The following DNAH17 variants were observed in gnomAD, a reference collection of about 807,000 sequenced individuals.
The protein encoded by DNAH17 is axonemal beta dynein heavy chain 17.
In DNAH17, 376 loss-of-function variants were observed where a neutral mutation model predicts 485.6. The observed-to-expected ratio is 0.77, with a 90% CI of 0.71 to 0.84. DNAH17 has a LOEUF of 0.84. DNAH17 is among the 40% of genes least tolerant of loss of function. The pLI, the probability that DNAH17 is intolerant of heterozygous loss-of-function variation, is 0.00. For synonymous variants in DNAH17, 3,031 were observed against 2,405.9 expected (o/e 1.26, Z -7.60); for missense variants, 6,370 against 5,839.3 (o/e 1.09, Z -2.96).
chr17:78,475,472 G>A lies in DNAH17; in HGVS notation c.8320-3C>T, dbSNP rs1423916710. 1.2e-6 allele frequency: 2 copies of A among 1,613,524 alleles called. No homozygotes were observed. The highest frequency in any genetic ancestry group is 2.7e-5 in the African/African-American group (2 of 74,914). On this transcript the variant is annotated splice_region_variant and splice_polypyrimidine_tract_variant and intron_variant, in intron 53 of 80. Transcript: ENST00000389840. ...GCCACGGCGTCCTCAAACAGCACCT[G>A]CAGAAACCGGAGAGATCCCACAACA...
At chr17:78,512,247 C>T (rs558676477) in intron 26 of DNAH17, among the ~76,000 whole-genome samples, 1 of 152,336 alleles carries the variant, frequency 6.6e-6, no homozygotes, top group South Asian at 2.1e-4. Flanking sequence ...TGCCCTTGGT[C>T]CTTGGGGTAT....
rs1474467835 is a variant in DNAH17, at chr17:78,507,551, G to A, written c.4491C>T (p.Ser1497=). ...AGCCGATGAAGATGCTCTCCAGGTG[G>A]CTCCAGGTTCGCTGGACCTCAAACC... The part of the protein sequence containing the change: ...SIWFEVQRTW[S]HLESIFIGSE... Residue 1497 remains serine, a synonymous_variant, in exon 28 of 81, where the codon AGC becomes AGT. Coordinates refer to ENST00000389840, the MANE Select transcript of DNAH17 (RefSeq NM_173628.4). 1.2e-6 allele frequency: 2 copies of A among 1,614,038 alleles called. No homozygotes were observed. Among genetic ancestry groups the A allele is most frequent in the East Asian group, 4.5e-5 (2 of 44,888 alleles).
At chr17:78,554,418 T>C (rs1283448341) in intron 14 of DNAH17, among the ~76,000 whole-genome samples, 7 of 82,680 alleles carry the variant, frequency 8.5e-5, no homozygotes, top group Middle Eastern at 0.015. Context: ...GCCTGGACAA[T>C]AGAATGAGAC....
At position 78,465,192 on chromosome 17, in the gene DNAH17, G is replaced by A. The variant is rs570663991; in HGVS notation, c.8940+1463C>T. ...AGTGATCCGCCAGCCTCGGCCTCCC[G>A]AGGTGCCGGGATTGCAGACGGAGTC... is the stretch of plus-strand genomic sequence containing the variant. On this transcript the variant is annotated intron_variant, in intron 56 of 80. Transcript: ENST00000389840. Among the ~76,000 whole-genome samples, 7 of 152,310 alleles carry A rather than the reference G, an allele frequency of 4.6e-5. No homozygotes were observed. In the East Asian group the frequency reaches 9.7e-4, roughly 21 times the overall value.
Position 78,495,176 on chromosome 17 carries a change from G to A in DNAH17, c.5904-79C>T, listed in dbSNP as rs9897263. The A allele has an allele frequency of 0.12, 169,736 of 1,472,406 alleles. 10,639 individuals are homozygous for A. Among genetic ancestry groups the A allele is most frequent in the East Asian group, 0.29 (11,781 of 40,430 alleles). 91.2% of individuals were successfully genotyped at this position (1,472,406 alleles called of 1,614,324 possible). Reference sequence around the variant, plus strand: ...ACCCCTGCCTGTCCCTCTTCACCTAGGAGAGCACACCTCGACTGCCAGGTA... The same window carrying A: ...ACCCCTGCCTGTCCCTCTTCACCTAAGAGAGCACACCTCGACTGCCAGGTA... On this transcript the variant is annotated intron_variant, in intron 38 of 80. Transcript: ENST00000389840.
chr17:78,505,240 C>A, intron 31 of DNAH17, 53 bp downstream of exon 31: 1 of 1,606,060 alleles, frequency 6.2e-7, no homozygotes, highest in South Asian at 1.1e-5. Context: ...GTGGCCCACA[C>A]GCGTGCTGCA....
At chr17:78,450,923 T>C (rs1427063945) in intron 66 of DNAH17, 77 bp from the exon 67 acceptor site, 7 of 1,548,586 alleles carry the variant, frequency 4.5e-6, no homozygotes, top group African/African-American at 2.7e-5. Flanking sequence ...CAGGTGGCCA[T>C]GTAGCTGAGC....
chr17:78,459,576 G>A (rs997088871), intron 60 of DNAH17, among the ~76,000 whole-genome samples: 3 of 152,206 alleles, frequency 2.0e-5, no homozygotes, highest in Non-Finnish European at 2.9e-5. Flanking sequence ...GTGGGGCCTG[G>A]CTGGCCTCTC....
chr17:78,424,218 AG>A, intron 80 of DNAH17, 65 bp from the exon 81 acceptor site: 1 of 1,544,362 alleles, frequency 6.5e-7, no homozygotes, highest in South Asian at 1.2e-5. Flanking sequence ...GCTGGCAGGA[AG>A]GGTGGGGTCC....
chr17:78,479,181 C>CAA (rs2089239716), intron 50 of DNAH17, 65 bp from the exon 51 acceptor site: 1 of 1,525,162 alleles, frequency 6.6e-7, no homozygotes, highest in Non-Finnish European at 9.0e-7. Flanking sequence ...GTGCAAGCCT[C>CAA]AAGTTTCTAA....
intron 70 of DNAH17, 53 bp from the exon 71 acceptor site, chr17:78,444,850 A>G: frequency 6.6e-7 from 1 of 1,514,132 alleles, no homozygotes; most frequent in South Asian, 1.3e-5. Flanking sequence ...CCGGGTCCCG[A>G]GAGCCTTCCT....
At chr17:78,515,289 A>AC (rs1040622564) in intron 25 of DNAH17, among the ~76,000 whole-genome samples, 2 of 152,114 alleles carry the variant, frequency 1.3e-5, no homozygotes, top group Non-Finnish European at 2.9e-5. Context: ...TGAGCAGATT[A>AC]CCTGAGGTCA....
At chr17:78,450,495 C>A (rs759628255) in intron 67 of DNAH17, 101 bp from the exon 68 acceptor site, 52 of 1,504,818 alleles carry the variant, frequency 3.5e-5, no homozygotes, top group Admixed American at 1.2e-4. Context: ...TGGGAAGCCA[C>A]CCAAGGGCTC....
intron 68 of DNAH17, chr17:78,449,937 T>C (rs897676280): frequency 1.6e-5 from 7 of 444,414 alleles, no homozygotes; most frequent in South Asian, 8.7e-5. Flanking sequence ...CGGCCCCCCA[T>C]AGTGCTGAGA....
chr17:78,528,404 G>A (rs966106946), intron 22 of DNAH17, among the ~76,000 whole-genome samples: 7 of 152,084 alleles, frequency 4.6e-5, no homozygotes, highest in African/African-American at 1.7e-4. Flanking sequence ...ACAGGTGTGC[G>A]CCACCATGCC....
chr17:78,442,980 T>A (rs1430589222), intron 71 of DNAH17, among the ~76,000 whole-genome samples: 4 of 152,150 alleles, frequency 2.6e-5, no homozygotes, highest in African/African-American at 9.7e-5. Context: ...CCCTATACAA[T>A]CAGGGCAGTA....
chr17:78,560,947 G>T lies in DNAH17; in HGVS notation c.1836-12C>A. On this transcript the variant is annotated splice_polypyrimidine_tract_variant and intron_variant, in intron 12 of 80. Coordinates refer to ENST00000389840, the MANE Select transcript of DNAH17 (RefSeq NM_173628.4). ...CTCCAGACATGACCCTGGAATCAGAGCGGGAAGGCGAGGCCCCACTGGATA... is the reference window on the plus strand; with the variant it reads ...CTCCAGACATGACCCTGGAATCAGATCGGGAAGGCGAGGCCCCACTGGATA... 6.5e-7 allele frequency: 1 copy of T among 1,544,044 alleles called. No individual in the cohort carries two copies. Among genetic ancestry groups the T allele is most frequent in the Non-Finnish European group, 8.7e-7 (1 of 1,145,100 alleles).
chr17:78,428,528 C>G lies in DNAH17; in HGVS notation c.12585G>C (p.Glu4195Asp), dbSNP rs1393940037. Residue 4195 changes from glutamate to aspartate, a missense_variant, in exon 77 of 81, where the codon GAG becomes GAC. Transcript: ENST00000389840. ...GGAGCAGTTTCAAAGATCCTGCCTT[C>G]TCCTCGCGGGACACTCCCGTGCCTG... is the stretch of plus-strand genomic sequence containing the variant. The part of the protein sequence containing the change: ...SGAGTGVSRE[E>D]KVKAVLDDIL... 6.2e-7 allele frequency: 1 copy of G among 1,601,630 alleles called. No homozygotes were observed. Among genetic ancestry groups the G allele is most frequent in the South Asian group, 1.1e-5 (1 of 88,926 alleles).
At chr17:78,499,464 C>T (rs1478119111) in intron 36 of DNAH17, 1 of 163,678 alleles carries the variant, frequency 6.1e-6, no homozygotes, top group Non-Finnish European at 1.3e-5. Context: ...AGGGAGTCCT[C>T]TAAGGCGGGA....
Sources: allele counts gnomAD v4.1 joint callset (sites outside exome capture counted in the v4.1 genomes callset), GRCh38; gene constraint gnomAD v4.1.1; transcripts MANE v1.5; gene names NCBI Gene and HGNC (gene_info 2026-07-23, HGNC 2026-07-21).